SPATS2: variants seen among roughly 807,000 people sequenced by gnomAD.
SPATS2 encodes spermatogenesis-associated serine-rich protein 2.
In SPATS2, 38 loss-of-function variants were observed where a neutral mutation model predicts 63.7. That is an observed-to-expected ratio of 0.60 (90% CI 0.46 to 0.78). SPATS2 has a LOEUF of 0.78. Ranked by LOEUF, SPATS2 falls within the 30% of genes least tolerant of loss-of-function variation. The probability of loss-of-function intolerance (pLI) is 0.00; values close to 1 mark genes in which losing one functional copy is unlikely to be tolerated. For synonymous variants in SPATS2, 207 were observed against 232.9 expected, an observed-to-expected ratio of 0.89 and a Z score of 1.01; for missense variants, 588 against 666.2, an observed-to-expected ratio of 0.88 and a Z score of 1.29.
intron 9 of SPATS2, among the ~76,000 whole-genome samples, chr12:49,506,754 A>G (rs1002046077): frequency 7.9e-5 from 12 of 151,824 alleles, no homozygotes; most frequent in African/African-American, 2.7e-4. Flanking sequence ...GATCGCTTGA[A>G]CCCAGGAAGT....
rs1565766675 is a variant in SPATS2 at position 49,526,204 on chromosome 12, G to T, written c.1587G>T (p.Gly529=). 1.9e-6 allele frequency: 3 copies of T among 1,614,126 alleles called. No homozygotes were observed. Among genetic ancestry groups the T allele is most frequent in the Non-Finnish European group, 2.5e-6 (3 of 1,180,020 alleles). ...PSPPTPSFKK[G]LPQRKPRTSQ... is the part of the protein sequence containing the mutation. Reference sequence around the variant, plus strand: ...CTCCCACGCCTTCATTCAAAAAGGGGCTCCCCCAGCGCAAACCCAGGACCT... The same window carrying T: ...CTCCCACGCCTTCATTCAAAAAGGGTCTCCCCCAGCGCAAACCCAGGACCT... Residue 529 remains glycine (G), a synonymous_variant, in exon 14 of 14, where the codon GGG becomes GGT. Coordinates refer to ENST00000552918, the MANE Select transcript of SPATS2 (RefSeq NM_023071.4).
chr12:49,512,571 G>T (rs1946770096), intron 9 of SPATS2, among the ~76,000 whole-genome samples: 1 of 152,086 alleles, frequency 6.6e-6, no homozygotes, highest in South Asian at 2.1e-4. Flanking sequence ...AATGCTATCA[G>T]AATGTACTAG....
intron 2 of SPATS2, among the ~76,000 whole-genome samples, chr12:49,456,169 C>G (rs1945715478): frequency 6.6e-6 from 1 of 152,178 alleles, no homozygotes; most frequent in Non-Finnish European, 1.5e-5. Flanking sequence ...GTAGAACTAC[C>G]TTTCCCAGTC....
At chr12:49,462,537 A>G (rs1379351740) in intron 3 of SPATS2, 4 of 681,562 alleles carry the variant, frequency 5.9e-6, no homozygotes, top group African/African-American at 1.8e-5. Context: ...AGCAAGGGCA[A>G]AGGGCCAGTG....
intron 11 of SPATS2, among the ~76,000 whole-genome samples, chr12:49,521,432 TA>T (rs1255135423): frequency 3.9e-5 from 6 of 152,126 alleles, no homozygotes; most frequent in Non-Finnish European, 4.4e-5. Context: ...TCTGTTTAAC[TA>T]AAACTATATG....
chr12:49,383,375 ATG>A (rs763956519), intron 2 of SPATS2, among the ~76,000 whole-genome samples: 15 of 151,686 alleles, frequency 9.9e-5, no homozygotes, highest in Non-Finnish European at 1.5e-4. Flanking sequence ...TTTTTAATAT[ATG>A]TGTCTTGGAA....
chr12:49,387,468 C>G (rs956686357), intron 2 of SPATS2, among the ~76,000 whole-genome samples: 1 of 151,564 alleles, frequency 6.6e-6, no homozygotes, highest in African/African-American at 2.4e-5. Flanking sequence ...GAAAACCCAT[C>G]TCTACTAAAA....
intron 2 of SPATS2, among the ~76,000 whole-genome samples, chr12:49,437,978 T>G (rs1027193012): frequency 6.6e-6 from 1 of 152,292 alleles, no homozygotes; most frequent in East Asian, 1.9e-4. Flanking sequence ...TTTCAAGTTG[T>G]TTTTTATGCA....
At chr12:49,425,540 G>A (rs191299965) in intron 2 of SPATS2, among the ~76,000 whole-genome samples, 6 of 151,912 alleles carry the variant, frequency 3.9e-5, no homozygotes, top group African/African-American at 1.4e-4. Context: ...GGCTCGTCTC[G>A]AACTCCTGGG....
At chr12:49,468,740 G>C (rs1013317025) in intron 3 of SPATS2, among the ~76,000 whole-genome samples, 1 of 152,078 alleles carries the variant, frequency 6.6e-6, no homozygotes, top group Non-Finnish European at 1.5e-5. Flanking sequence ...ACCTCCCAAC[G>C]TGCTGGGATT....
intron 2 of SPATS2, among the ~76,000 whole-genome samples, chr12:49,374,958 C>CAAAAAAAAAAAA (rs10687716): frequency 7.7e-4 from 19 of 24,742 alleles, no homozygotes; most frequent in African/African-American, 2.4e-3. Flanking sequence ...GGATCTGTCT[C>CAAAAAAAAAAAA]AAAAAAAAAA....
intron 2 of SPATS2, among the ~76,000 whole-genome samples, chr12:49,421,223 G>C (rs1944975391): frequency 6.6e-6 from 1 of 151,956 alleles, no homozygotes; most frequent in African/African-American, 2.4e-5. Context: ...TTCAAGACCA[G>C]CCTGGCCAAC....
intron 2 of SPATS2, among the ~76,000 whole-genome samples, chr12:49,393,156 CAAT>C (rs1251645755): frequency 6.6e-6 from 1 of 151,042 alleles, no homozygotes; most frequent in Non-Finnish European, 1.5e-5. Flanking sequence ...ACATTTTCAA[CAAT>C]AAAAATGGAA....
At chr12:49,389,191 C>T (rs1944373392) in intron 2 of SPATS2, among the ~76,000 whole-genome samples, 1 of 152,182 alleles carries the variant, frequency 6.6e-6, no homozygotes, top group African/African-American at 2.4e-5. Context: ...CCCGCCCAGC[C>T]TTCTCACGCA....
At chr12:49,517,800 C>T (rs1946875597) in intron 10 of SPATS2, among the ~76,000 whole-genome samples, 1 of 152,178 alleles carries the variant, frequency 6.6e-6, no homozygotes, top group Non-Finnish European at 1.5e-5. Flanking sequence ...GCCGTTTCAT[C>T]TGTAGCAAAG....
chr12:49,473,193 T>C (rs1417386656), intron 3 of SPATS2, among the ~76,000 whole-genome samples: 1 of 151,914 alleles, frequency 6.6e-6, no homozygotes, highest in Non-Finnish European at 1.5e-5. Flanking sequence ...GACAGGCAAA[T>C]CACCTGAGTT....
Position 49,526,403 on chromosome 12 carries a change from C to T in SPATS2, c.*148C>T. The T allele has an allele frequency of 1.0e-6, 1 of 959,424 alleles. No homozygotes were observed. Among genetic ancestry groups the T allele is most frequent in the East Asian group, 2.7e-5 (1 of 36,708 alleles). The allele number at this position is 959,424 out of a possible 1,614,324, so 59.4% of individuals were successfully genotyped here. A position where few individuals can be genotyped will look rare whatever the true frequency, so the allele number is the denominator to read the frequency against. On this transcript the variant is annotated 3_prime_UTR_variant, in exon 14 of 14. Coordinates refer to ENST00000552918, the MANE Select transcript of SPATS2 (RefSeq NM_023071.4). ...TCTAAGTATTTTTGGTTTCTTGTCTCCTTATTTCCTCTTTACCATTTTTGG... is the reference window on the plus strand; with the variant it reads ...TCTAAGTATTTTTGGTTTCTTGTCTTCTTATTTCCTCTTTACCATTTTTGG...
Position 49,381,435 on chromosome 12 carries a change from A to G in SPATS2, c.-244+10145A>G, listed in dbSNP as rs146107561. 8.2e-4 allele frequency among the ~76,000 whole-genome samples: 125 copies of G among 152,346 alleles called. 1 individual carries two copies. The highest frequency in any genetic ancestry group is 2.7e-3 in the African/African-American group (113 of 41,588). On this transcript the variant is annotated intron_variant, in intron 2 of 13. Transcript: ENST00000552918. ...GTAACAAAACCTGTATTTAAGGCCA[A>G]TAAAGATTTGACTCTGTCAGTGTTG...
chr12:49,471,687 C>T (rs576614599), intron 3 of SPATS2, among the ~76,000 whole-genome samples: 32 of 152,214 alleles, frequency 2.1e-4, no homozygotes, highest in African/African-American at 7.7e-4. Context: ...TAGTACACTC[C>T]CATTGTTGTA....
Sources: allele counts gnomAD v4.1 joint callset (sites outside exome capture counted in the v4.1 genomes callset), GRCh38; gene constraint gnomAD v4.1.1; transcripts MANE v1.5; gene names NCBI Gene and HGNC (gene_info 2026-07-23, HGNC 2026-07-21).